The following HIVEP2 variants were observed in gnomAD, a reference collection of about 807,000 sequenced individuals.
The protein encoded by HIVEP2 is HIVEP zinc finger 2, also known as transcription factor HIVEP2.
A neutral mutation model predicts 180.7 loss-of-function variants in HIVEP2; 14 were observed. The observed-to-expected ratio is 0.08, with a 90% CI of 0.05 to 0.12. The LOEUF is 0.12. Ranked by LOEUF, HIVEP2 falls within the 10% of genes least tolerant of loss-of-function variation. The pLI is 1.00. For missense variants in HIVEP2, 2,579 were observed against 3,008.5 expected (o/e 0.86, Z 3.34); for synonymous variants, 1,184 against 1,136.4 (o/e 1.04, Z -0.84).
rs115231259 is a variant in HIVEP2, at chr6:142,873,636, A to G, written c.-640-36589T>C. Among the ~76,000 whole-genome samples, 571 of 152,292 alleles carry G rather than the reference A, an allele frequency of 3.7e-3. 5 individuals carry two copies. The highest frequency in any genetic ancestry group is 0.013 in the African/African-American group (551 of 41,556). On this transcript the variant is annotated intron_variant, in intron 1 of 9. Transcript: ENST00000367603. The stretch of plus-strand genomic sequence containing the variant: ...AGCCACTCTGGATTGAGAGAAATAC[A>G]CCATTTGCGTATACTGAATCTGGCA...
At position 142,770,531 on chromosome 6, in the gene HIVEP2, T is replaced by A; in HGVS notation, c.4208A>T (p.Lys1403Met). 6.2e-7 allele frequency: 1 copy of A among 1,614,182 alleles called. No individual in the cohort carries two copies. The highest frequency in any genetic ancestry group is 8.5e-7 in the Non-Finnish European group (1 of 1,180,034). The part of the protein sequence containing the change: ...QVLGQHAGLE[K>M]YPIWKAPQTL... ...CTGAGGTGCTTTCCAAATGGGGTAC[T>A]TCTCCAAGCCCGCATGCTGCCCCAG... Residue 1403 changes from lysine to methionine, a missense_variant, in exon 5 of 10, where the codon AAG (lysine) becomes ATG (methionine). Physicochemically the swap from Lys to Met is moderately conservative, Grantham distance 95 (BLOSUM62 -1). Transcript: ENST00000367603. This position sits in a 1 kb window ranked among gnomAD's most constrained non-coding sequence, Gnocchi z 4.7.
intron 1 of HIVEP2, among the ~76,000 whole-genome samples, chr6:142,926,143 T>G (rs2128436604): frequency 6.6e-6 from 1 of 152,370 alleles, no homozygotes; most frequent in East Asian, 1.9e-4. Context: ...TTTTTAAATT[T>G]AACAGCTTGG....
chr6:142,781,753 A>G (rs1256832289), intron 3 of HIVEP2, among the ~76,000 whole-genome samples: 1 of 152,154 alleles, frequency 6.6e-6, no homozygotes, highest in Non-Finnish European at 1.5e-5. Flanking sequence ...TAAGTTTGGC[A>G]CCCAGTTAAA....
At chr6:142,887,917 A>G (rs1386397926) in intron 1 of HIVEP2, among the ~76,000 whole-genome samples, 2 of 151,952 alleles carry the variant, frequency 1.3e-5, no homozygotes, top group African/African-American at 4.8e-5. Flanking sequence ...TTATCTGGAA[A>G]GAACTGGGGG....
intron 1 of HIVEP2, among the ~76,000 whole-genome samples, chr6:142,840,090 C>T (rs1775325182): frequency 1.3e-5 from 2 of 152,098 alleles, no homozygotes; most frequent in Non-Finnish European, 1.5e-5. Context: ...TCAAATACCA[C>T]GGTCTCCAGA....
chr6:142,925,858 TCAACTCTTTG>T (rs1301635390), intron 1 of HIVEP2, among the ~76,000 whole-genome samples: 7 of 152,230 alleles, frequency 4.6e-5, no homozygotes, highest in Admixed American at 1.3e-4. Context: ...CCTTTCTCTG[TCAACTCTTTG>T]ATGTAAGAAA....
Position 142,770,787 on chromosome 6 carries a change from AATC to A in HIVEP2, c.3949_3951del (p.Asp1317del). On this transcript the variant is annotated inframe_deletion, in exon 5 of 10. Transcript: ENST00000367603. The surrounding 1 kb of genome is among the most constrained non-coding windows in gnomAD (Gnocchi z 4.7). ...AAAGACCCAGCATTTGCCGAGGCAA[AATC>A]TTCTTGAAGAACCTGCTCAGAGGGC... 6.2e-7 allele frequency: 1 copy of A among 1,614,170 alleles called. No individual in the cohort carries two copies. The highest frequency in any genetic ancestry group is 8.5e-7 in the Non-Finnish European group (1 of 1,180,032).
intron 2 of HIVEP2, among the ~76,000 whole-genome samples, chr6:142,811,728 A>T (rs748151561): frequency 6.6e-6 from 1 of 152,224 alleles, no homozygotes; most frequent in East Asian, 1.9e-4. Flanking sequence ...CCCCATGTTA[A>T]GTGTGTACAC....
In HIVEP2 at chr6:142,751,782, T is replaced by G. The variant is rs1288417183; in HGVS notation, c.*1325A>C. 6.6e-6 allele frequency: 1 copy of G among 152,576 alleles called. No individual in the cohort carries two copies. The highest frequency in any genetic ancestry group is 2.4e-5 in the African/African-American group (1 of 41,364). The allele number at this position is 152,576 out of a possible 1,614,324, so 9.5% of individuals were successfully genotyped here. A position where few individuals can be genotyped will look rare whatever the true frequency, so the allele number is the denominator to read the frequency against. On this transcript the variant is annotated 3_prime_UTR_variant, in exon 10 of 10. Transcript: ENST00000367603. ...ATTCTTTTCCCCATTCCCCCTGAGA[T>G]AGCCAGGAGTGTGACACTCTTCCCC...
intron 1 of HIVEP2, among the ~76,000 whole-genome samples, chr6:142,840,960 T>C (rs1370217927): frequency 6.6e-6 from 1 of 152,050 alleles, no homozygotes; most frequent in Non-Finnish European, 1.5e-5. Flanking sequence ...TATTTAAGGG[T>C]GTCATTTTTA....
At chr6:142,754,263 T>C (rs1409245774) in intron 9 of HIVEP2, among the ~76,000 whole-genome samples, 2 of 148,200 alleles carry the variant, frequency 1.3e-5, no homozygotes, top group Admixed American at 6.8e-5. Flanking sequence ...AATTAATGGA[T>C]AATTGGCAAA....
At chr6:142,839,706 T>C (rs1350478218) in intron 1 of HIVEP2, among the ~76,000 whole-genome samples, 1 of 152,150 alleles carries the variant, frequency 6.6e-6, no homozygotes, top group African/African-American at 2.4e-5. Flanking sequence ...GTTGCAATAC[T>C]GATCACAGTA....
At chr6:142,867,058 G>C (rs1776159506) in intron 1 of HIVEP2, among the ~76,000 whole-genome samples, 1 of 152,160 alleles carries the variant, frequency 6.6e-6, no homozygotes, top group East Asian at 1.9e-4. Flanking sequence ...AACCTGCTCT[G>C]GGTAAGTATG....
chr6:142,771,150 G>T lies in HIVEP2; in HGVS notation c.3589C>A (p.Pro1197Thr), dbSNP rs1247022404. ...AAGGCATTCTGGATTGGAGAAAATG[G>T]AATTGTCTCTTGATGTGGAAATAAG... is the stretch of plus-strand genomic sequence containing the variant. ...PHLFPHQETIPFSPIQNALFQ... is the reference protein window; with the variant it reads ...PHLFPHQETITFSPIQNALFQ... The change falls in exon 5 of 10, where the codon CCA becomes ACA. Residue 1197 changes from proline to threonine, a missense_variant. Transcript: ENST00000367603. This position sits in a 1 kb window ranked among gnomAD's most constrained non-coding sequence, Gnocchi z 5.4. 6.2e-7 allele frequency: 1 copy of T among 1,614,182 alleles called. No individual in the cohort carries two copies. Among genetic ancestry groups the T allele is most frequent in the Non-Finnish European group, 8.5e-7 (1 of 1,180,032 alleles).
At chr6:142,854,797 G>A (rs1035596217) in intron 1 of HIVEP2, among the ~76,000 whole-genome samples, 1 of 151,992 alleles carries the variant, frequency 6.6e-6, no homozygotes, top group Non-Finnish European at 1.5e-5. Flanking sequence ...GACAACCCAG[G>A]AACATGCACA....
intron 1 of HIVEP2, among the ~76,000 whole-genome samples, chr6:142,910,080 C>T (rs533706882): frequency 6.6e-6 from 1 of 152,342 alleles, no homozygotes; most frequent in East Asian, 1.9e-4. Flanking sequence ...CCAATCAGAT[C>T]ATCAAGCCTA....
At chr6:142,853,636 T>C (rs1230589493) in intron 1 of HIVEP2, among the ~76,000 whole-genome samples, 3 of 152,246 alleles carry the variant, frequency 2.0e-5, no homozygotes, top group South Asian at 4.1e-4. Context: ...CACTGAGAAA[T>C]TGAGTCAATA....
intron 1 of HIVEP2, among the ~76,000 whole-genome samples, chr6:142,889,220 T>G (rs1159084325): frequency 1.3e-5 from 2 of 152,014 alleles, no homozygotes; most frequent in Non-Finnish European, 2.9e-5. Context: ...CATCTGTAAT[T>G]CCAGCATTTT....
chr6:142,913,950 T>C (rs977989762), intron 1 of HIVEP2, among the ~76,000 whole-genome samples: 1 of 151,920 alleles, frequency 6.6e-6, no homozygotes, highest in African/African-American at 2.4e-5. Context: ...CACCACAGTG[T>C]ACCGCAAAAC....
Sources: gnomAD v4.1 joint callset for allele counts (sites outside exome capture counted in the v4.1 genomes callset) on GRCh38, gnomAD v4.1.1 for gene constraint, Gnocchi (gnomAD v3.1) non-coding constraint, MANE v1.5 for transcripts, NCBI Gene and HGNC (gene_info 2026-07-23, HGNC 2026-07-21) for gene names.